SEMA4G: variants seen among roughly 807,000 people sequenced by gnomAD.
The protein encoded by SEMA4G is semaphorin-4G.
In SEMA4G, 59 loss-of-function variants were observed where a neutral mutation model predicts 81.2. That is an observed-to-expected ratio of 0.73 (90% CI 0.59 to 0.90). SEMA4G has a LOEUF of 0.90. Among genes scored for constraint, SEMA4G ranks in the 40% least tolerant of loss-of-function variants. The pLI is 0.00. For synonymous variants in SEMA4G, 404 were observed against 433.9 expected (o/e 0.93, Z 0.86); for missense variants, 952 against 1,102.3 (o/e 0.86, Z 1.93).
Position 100,972,821 on chromosome 10 carries a change from A to G in SEMA4G, c.-92A>G. On this transcript the variant is annotated 5_prime_UTR_variant, in exon 1 of 14. An upstream open reading frame in the 5' UTR loses its in-frame stop. Coordinates refer to ENST00000370250, the Ensembl canonical transcript of SEMA4G. ...TTCCAAGTGACTTCCTTGGACTTTG[A>G]CCCCTGTGACTGTGCTTCCCATTCC... 1 of 1,409,130 alleles carries G rather than the reference A, an allele frequency of 7.1e-7. No individual in the cohort carries two copies. Among genetic ancestry groups the G allele is most frequent in the Non-Finnish European group, 9.6e-7 (1 of 1,038,816 alleles). 87.3% of individuals were successfully genotyped at this position (1,409,130 alleles called of 1,614,324 possible).
Position 100,981,575 on chromosome 10 carries a change from C to A in SEMA4G, c.1690+346C>A, listed in dbSNP as rs376292699. 72 of 1,612,280 alleles carry A rather than the reference C, an allele frequency of 4.5e-5. No homozygotes were observed. In the Middle Eastern group the frequency reaches 9.9e-4, roughly 22 times the overall value. ...AAAGAACAAAAGTTAATCATCACAG[C>A]TAAGATGTATTAAGTATTTACTGTG... On this transcript the variant is annotated intron_variant, in intron 13 of 13. Transcript: ENST00000370250.
In SEMA4G at chr10:100,983,785, C is replaced by T. The variant is rs777161655; in HGVS notation, c.2171C>T (p.Ala724Val). 2.5e-5 allele frequency: 40 copies of T among 1,606,954 alleles called. No homozygotes were observed. In the South Asian group the frequency reaches 2.6e-4, roughly 10 times the overall value. The change falls in exon 14 of 14, where the codon GCG becomes GTG. Residue 724 changes from alanine (A) to valine (V), a missense_variant. Coordinates refer to ENST00000370250, the Ensembl canonical transcript of SEMA4G. ...CGGGCCAGCCGGGCAGGAGGATCTG[C>T]GGTGCAACTGCAGACAGTCTCAGGC... is the stretch of plus-strand genomic sequence containing the variant.
chr10:100,973,744 T>C lies in SEMA4G; in HGVS notation c.336+135T>C. 1 of 802,182 alleles carries C rather than the reference T, an allele frequency of 1.2e-6. No individual in the cohort carries two copies. The allele number at this position is 802,182 out of a possible 1,614,324, so 49.7% of individuals were successfully genotyped here. A position where few individuals can be genotyped will look rare whatever the true frequency, so the allele number is the denominator to read the frequency against. Reference sequence around the variant, plus strand: ...CAGCAACCACAGTAAACATTGTAAGTATTGCCAGAGTGGCAAGCCATGGGC... The same window carrying C: ...CAGCAACCACAGTAAACATTGTAAGCATTGCCAGAGTGGCAAGCCATGGGC... On this transcript the variant is annotated intron_variant, in intron 3 of 13. Coordinates refer to ENST00000370250, the Ensembl canonical transcript of SEMA4G. This position sits in a 1 kb window ranked among gnomAD's most constrained non-coding sequence, Gnocchi z 5.5.
At chr10:100,984,296 C>T (rs1410299026) in exon 14 of SEMA4G, 1 of 1,439,218 alleles carries the variant, frequency 6.9e-7, no homozygotes, top group African/African-American at 1.4e-5. Flanking sequence ...CAGCCAAAGC[C>T]CCCTCCTCAG....
chr10:100,971,355 C>T (rs933241917), upstream of SEMA4G, among the ~76,000 whole-genome samples: 9 of 152,228 alleles, frequency 5.9e-5, no homozygotes, highest in African/African-American at 2.2e-4. Flanking sequence ...GCCGGCTTGC[C>T]TGAAGCTTCC....
chr10:100,982,609 T>C (rs918226204), intron 13 of SEMA4G, among the ~76,000 whole-genome samples: 1 of 152,098 alleles, frequency 6.6e-6, no homozygotes, highest in African/African-American at 2.4e-5. Flanking sequence ...CTGGCCAACA[T>C]GGTGAAACCC....
At chr10:100,980,995 C>T (rs925424123) in intron 12 of SEMA4G, 3 of 1,595,268 alleles carry the variant, frequency 1.9e-6, no homozygotes, top group Non-Finnish European at 2.6e-6. Flanking sequence ...CCCAGGGAAG[C>T]AGGTGGGAAG....
intron 3 of SEMA4G, among the ~76,000 whole-genome samples, chr10:100,976,882 T>G (rs1397156084): frequency 2.0e-5 from 3 of 152,158 alleles, no homozygotes; most frequent in African/African-American, 4.8e-5. Flanking sequence ...AAGAGAAGGT[T>G]GGGAGGAGCT....
intron 4 of SEMA4G, chr10:100,977,951 C>G (rs187759303): frequency 2.4e-5 from 14 of 580,860 alleles, no homozygotes; most frequent in East Asian, 5.8e-5. Context: ...GCATCCTCCC[C>G]CTAATCACCT....
In SEMA4G at chr10:100,973,445, C is replaced by T. The variant is rs878888533; in HGVS notation, c.274-102C>T. ...ATTCAGTGTTCCTCCTGAAATTGAT[C>T]CCCACCCCAATTTCCCCAACTCTGT... On this transcript the variant is annotated intron_variant, in intron 2 of 13. Coordinates refer to ENST00000370250, the Ensembl canonical transcript of SEMA4G. This position sits in a 1 kb window ranked among gnomAD's most constrained non-coding sequence, Gnocchi z 5.5. 1.4e-6 allele frequency: 2 copies of T among 1,419,402 alleles called. No individual in the cohort carries two copies. The highest frequency in any genetic ancestry group is 1.2e-5 in the South Asian group (1 of 81,342). The allele number at this position is 1,419,402 out of a possible 1,614,324, so 87.9% of individuals were successfully genotyped here.
rs1307646381 is a variant in SEMA4G at position 100,983,898 on chromosome 10, GC to G, written c.2288del (p.Pro763GlnfsTer15). 15 of 1,523,108 alleles carry G rather than the reference GC, an allele frequency of 9.8e-6. No individual in the cohort carries two copies. Among genetic ancestry groups the G allele is most frequent in the Admixed American group, 2.1e-5 (1 of 47,906 alleles). The allele number at this position is 1,523,108 out of a possible 1,614,324, so 94.3% of individuals were successfully genotyped here. A position where few individuals can be genotyped will look rare whatever the true frequency, so the allele number is the denominator to read the frequency against. On this transcript the variant is annotated frameshift_variant, in exon 14 of 14. Coordinates refer to ENST00000370250, the Ensembl canonical transcript of SEMA4G. LOFTEE classifies it high-confidence loss of function. ...TCTCCAGATCATCCCTGGGGAGGGA[GC>G]CCCAGCCCCACCACCCCCACCGCCC...
At chr10:100,983,673 C>G in exon 14 of SEMA4G, 1 of 1,613,446 alleles carries the variant, frequency 6.2e-7, no homozygotes, top group Non-Finnish European at 8.5e-7. Flanking sequence ...GCTTGGTGGC[C>G]TCTGCCTCAT....
Position 100,981,312 on chromosome 10 carries a change from A to T in SEMA4G, c.1690+83A>T, listed in dbSNP as rs1851060854. 1.5e-5 allele frequency: 24 copies of T among 1,598,352 alleles called. 1 individual carries two copies. The South Asian group carries it at 2.6e-4, about 18-fold the overall frequency. On this transcript the variant is annotated intron_variant, in intron 13 of 13. Transcript: ENST00000370250. ...CTGCCATGTGTACGTATATGTTTGT[A>T]TCTGAGTGGCTGTGGCTATGTACAT...
chr10:100,973,450 C>T lies in SEMA4G; in HGVS notation c.274-97C>T, dbSNP rs1850691728. On this transcript the variant is annotated intron_variant, in intron 2 of 13. Transcript: ENST00000370250. This position sits in a 1 kb window ranked among gnomAD's most constrained non-coding sequence, Gnocchi z 5.5. ...GTGTTCCTCCTGAAATTGATCCCCA[C>T]CCCAATTTCCCCAACTCTGTGGGGT... The T allele has an allele frequency of 2.1e-6, 3 of 1,427,508 alleles. No homozygotes were observed. Among genetic ancestry groups the T allele is most frequent in the South Asian group, 1.2e-5 (1 of 82,136 alleles). 88.4% of individuals were successfully genotyped at this position (1,427,508 alleles called of 1,614,324 possible).
At position 100,973,080 on chromosome 10, in the gene SEMA4G, G is replaced by A. The variant is rs201229801; in HGVS notation, c.124+44G>A. On this transcript the variant is annotated intron_variant, in intron 1 of 13. Coordinates refer to ENST00000370250, the Ensembl canonical transcript of SEMA4G. The surrounding 1 kb of genome is among the most constrained non-coding windows in gnomAD (Gnocchi z 5.5). ...AAAGGCAGCAGAAGCCAGGGCTGGG[G>A]GTGGGGAGGCACCCCAGAACTAGGG... is the stretch of plus-strand genomic sequence containing the variant. 1 of 1,614,136 alleles carries A rather than the reference G, an allele frequency of 6.2e-7. No homozygotes were observed. Among genetic ancestry groups the A allele is most frequent in the East Asian group, 2.2e-5 (1 of 44,872 alleles).
At chr10:100,975,045 G>A (rs1461376700) in intron 3 of SEMA4G, 1 of 534,288 alleles carries the variant, frequency 1.9e-6, no homozygotes, top group Admixed American at 1.9e-5. Context: ...ATCTCCAAGA[G>A]CTTCCATCAA....
downstream of SEMA4G, chr10:100,985,016 C>A: frequency 2.6e-6 from 3 of 1,141,860 alleles, no homozygotes; most frequent in South Asian, 1.7e-5. Context: ...TTGGACCTGT[C>A]TGTTGGGTTT....
At chr10:100,979,969 G>C (rs1390825588) in exon 9 of SEMA4G, 2 of 1,614,086 alleles carry the variant, frequency 1.2e-6, no homozygotes, top group East Asian at 4.5e-5. Context: ...TGAGGGTGGG[G>C]TGCCTGAGCC....
intron 3 of SEMA4G, among the ~76,000 whole-genome samples, chr10:100,974,789 A>T (rs1273559860): frequency 1.3e-5 from 2 of 151,724 alleles, no homozygotes; most frequent in Non-Finnish European, 2.9e-5. Context: ...TGGCTAGGTA[A>T]TGGCTCCATC....
Sources: gnomAD v4.1 joint callset for allele counts (sites outside exome capture counted in the v4.1 genomes callset) on GRCh38, gnomAD v4.1.1 for gene constraint, Gnocchi (gnomAD v3.1) non-coding constraint, MANE v1.5 for transcripts, NCBI Gene and HGNC (gene_info 2026-07-23, HGNC 2026-07-21) for gene names.